ANO2: variants seen among roughly 807,000 people sequenced by gnomAD.
ANO2 encodes anoctamin-2.
A neutral mutation model predicts 124.2 loss-of-function variants in ANO2; 101 were observed. The observed-to-expected ratio is 0.81, with a 90% CI of 0.69 to 0.96. The LOEUF (loss-of-function observed/expected upper bound fraction) is 0.96, where lower values mean the gene tolerates loss of function less well. Among genes scored for constraint, ANO2 ranks in the 40% least tolerant of loss-of-function variants. The pLI, the probability that ANO2 is intolerant of heterozygous loss-of-function variation, is 0.00. For synonymous variants in ANO2, 486 were observed against 482.5 expected (o/e 1.01, Z -0.09); for missense variants, 1,293 against 1,274.5 (o/e 1.01, Z -0.22).
intron 12 of ANO2, 107 bp downstream of exon 12, chr12:5,744,050 A>T: frequency 1.4e-6 from 2 of 1,380,532 alleles, no homozygotes; most frequent in Admixed American, 4.3e-5. Flanking sequence ...TGATGGGAAG[A>T]AAAAATGCGA....
intron 3 of ANO2, among the ~76,000 whole-genome samples, chr12:5,869,079 G>A (rs1955505002): frequency 6.6e-6 from 1 of 152,184 alleles, no homozygotes; most frequent in Non-Finnish European, 1.5e-5. Context: ...GCAAATGAGA[G>A]AATGGGCGCA....
chr12:5,922,981 T>C (rs1393194190), intron 1 of ANO2, among the ~76,000 whole-genome samples, 177 bp from the exon 2 acceptor site: 1 of 151,748 alleles, frequency 6.6e-6, no homozygotes, highest in Non-Finnish European at 1.5e-5. Context: ...GAAGGGAGCA[T>C]GGAAAAGGAA....
At chr12:5,579,662 T>G (rs566121411) in intron 20 of ANO2, among the ~76,000 whole-genome samples, 1 of 152,280 alleles carries the variant, frequency 6.6e-6, no homozygotes, top group East Asian at 1.9e-4. Context: ...TCCTGTTGGC[T>G]CCACTCTGTT....
At chr12:5,937,591 T>C (rs2136323231) in intron 1 of ANO2, among the ~76,000 whole-genome samples, 1 of 152,346 alleles carries the variant, frequency 6.6e-6, no homozygotes, top group Middle Eastern at 3.4e-3. Context: ...AGTTTTATGG[T>C]ATACTGGACA....
chr12:5,657,783 A>AT (rs67840988), intron 14 of ANO2, among the ~76,000 whole-genome samples: 89,291 of 151,924 alleles, frequency 0.59, 27,672 homozygotes, highest in East Asian at 0.96. Flanking sequence ...GAGATTAATA[A>AT]TCTGGCAGCC....
In ANO2 at chr12:5,608,220, G is replaced by A. The variant is rs370623251; in HGVS notation, c.2087+4436C>T. Among the ~76,000 whole-genome samples the A allele has an allele frequency of 9.9e-5, 15 of 150,874 alleles. No homozygotes were observed. In the East Asian group the frequency reaches 1.9e-3, roughly 20 times the overall value. On this transcript the variant is annotated intron_variant, in intron 19 of 24. Transcript: ENST00000682330. ...TGTTTCATCTGTGTCATCCATGCCA[G>A]GTACTTCAACTCTGAGTTGAAGGGG...
intron 20 of ANO2, among the ~76,000 whole-genome samples, chr12:5,582,214 C>A (rs1424962990): frequency 6.6e-6 from 1 of 152,204 alleles, no homozygotes; most frequent in East Asian, 1.9e-4. Context: ...CCTGGCCAAG[C>A]CAATTAGGGA....
At chr12:5,706,132 C>G (rs1296880811) in intron 14 of ANO2, among the ~76,000 whole-genome samples, 7 of 152,174 alleles carry the variant, frequency 4.6e-5, no homozygotes, top group African/African-American at 1.7e-4. Context: ...TATTCTTTAA[C>G]CTAACTTCCC....
intron 4 of ANO2, among the ~76,000 whole-genome samples, chr12:5,834,637 A>T (rs931039839): frequency 2.6e-5 from 4 of 152,238 alleles, no homozygotes; most frequent in African/African-American, 9.6e-5. Flanking sequence ...ACATAACCAC[A>T]GTTTATTTAG....
chr12:5,891,517 G>T (rs1038946587), intron 3 of ANO2, among the ~76,000 whole-genome samples: 6 of 152,170 alleles, frequency 3.9e-5, no homozygotes, highest in Non-Finnish European at 7.3e-5. Flanking sequence ...GGACAGGAAG[G>T]TTCTGCAAAG....
Position 5,922,813 on chromosome 12 carries a change from GGGAA to G in ANO2, c.23-13_23-10del. The G allele has an allele frequency of 6.7e-7, 1 of 1,483,106 alleles. No homozygotes were observed. Among genetic ancestry groups the G allele is most frequent in the Non-Finnish European group, 9.0e-7 (1 of 1,117,044 alleles). The allele number at this position is 1,483,106 out of a possible 1,614,324, so 91.9% of individuals were successfully genotyped here. A position where few individuals can be genotyped will look rare whatever the true frequency, so the allele number is the denominator to read the frequency against. On this transcript the variant is annotated splice_polypyrimidine_tract_variant and intron_variant, in intron 1 of 24. Coordinates refer to ENST00000682330, the MANE Select transcript of ANO2 (RefSeq NM_001364791.2). ...AGGGAGCAGGGGTATATCTGTGAGAGGGAAAGACAAGGGAGGCAAAACAGCCTCA... is the reference window on the plus strand; with the variant it reads ...AGGGAGCAGGGGTATATCTGTGAGAGAGACAAGGGAGGCAAAACAGCCTCA...
At chr12:5,942,467 A>T (rs886261424) in intron 1 of ANO2, among the ~76,000 whole-genome samples, 1 of 152,106 alleles carries the variant, frequency 6.6e-6, no homozygotes, top group Non-Finnish European at 1.5e-5. Flanking sequence ...TAGATAAACC[A>T]GTCTCCTTTC....
At chr12:5,907,150 A>G (rs1940756805) in intron 3 of ANO2, among the ~76,000 whole-genome samples, 1 of 152,248 alleles carries the variant, frequency 6.6e-6, no homozygotes, top group Admixed American at 6.5e-5. Flanking sequence ...TCCTGCAGCC[A>G]ACAGTATCCA....
At chr12:5,919,672 G>A (rs1286022338) in intron 3 of ANO2, among the ~76,000 whole-genome samples, 1 of 151,462 alleles carries the variant, frequency 6.6e-6, no homozygotes, top group Non-Finnish European at 1.5e-5. Flanking sequence ...GTAGGAATGA[G>A]TTTGGGGGAG....
chr12:5,832,982 T>G (rs1028807986), intron 4 of ANO2, among the ~76,000 whole-genome samples: 1 of 152,208 alleles, frequency 6.6e-6, no homozygotes, highest in Non-Finnish European at 1.5e-5. Flanking sequence ...TATTTCCATA[T>G]GATGAGGCAA....
At chr12:5,695,920 GC>G (rs1270499696) in intron 14 of ANO2, among the ~76,000 whole-genome samples, 1 of 152,136 alleles carries the variant, frequency 6.6e-6, no homozygotes, top group Non-Finnish European at 1.5e-5. Context: ...ATGAGGGCAG[GC>G]TTTTTGACTA....
chr12:5,906,945 A>G (rs148777899), intron 3 of ANO2, among the ~76,000 whole-genome samples: 146 of 152,362 alleles, frequency 9.6e-4, no homozygotes, highest in African/African-American at 3.4e-3. Flanking sequence ...ATGTTGCCCA[A>G]GTACAGAATG....
chr12:5,705,293 A>G (rs1374972436), intron 14 of ANO2, among the ~76,000 whole-genome samples: 5 of 152,006 alleles, frequency 3.3e-5, no homozygotes, highest in African/African-American at 4.8e-5. Context: ...GAGAAAAAAG[A>G]AGAAAAAATT....
chr12:5,669,639 T>C (rs1289287988), intron 14 of ANO2, among the ~76,000 whole-genome samples: 8 of 152,202 alleles, frequency 5.3e-5, no homozygotes, highest in East Asian at 1.9e-4. Context: ...TGCTTCCAGC[T>C]TTTGCCCATT....
Sources: allele counts gnomAD v4.1 joint callset (sites outside exome capture counted in the v4.1 genomes callset), GRCh38; gene constraint gnomAD v4.1.1; transcripts MANE v1.5; gene names NCBI Gene and HGNC (gene_info 2026-07-23, HGNC 2026-07-21).